The following CELF2 variants were observed in gnomAD, a reference collection of about 807,000 sequenced individuals.
The protein encoded by CELF2 is CUG triplet repeat RNA-binding protein 2.
A neutral mutation model predicts 62.6 loss-of-function variants in CELF2; 8 were observed. The observed-to-expected ratio is 0.13, with a 90% CI of 0.07 to 0.23. The LOEUF (loss-of-function observed/expected upper bound fraction) is 0.23, where lower values mean the gene tolerates loss of function less well. Among genes scored for constraint, CELF2 ranks in the 10% least tolerant of loss-of-function variants. CELF2 has a pLI of 1.00. For synonymous variants in CELF2, 258 were observed against 250.0 expected, an observed-to-expected ratio of 1.03 and a Z score of -0.30; for missense variants, 333 against 671.0, an observed-to-expected ratio of 0.50 and a Z score of 5.56.
chr10:10,728,086 C>T, the CELF2 span, among the ~76,000 whole-genome samples: 1 of 151,134 alleles, frequency 6.6e-6, no homozygotes, highest in Non-Finnish European at 1.5e-5. Context: ...TAGAGATGAC[C>T]TTTGAGCTGG....
At chr10:10,709,976 G>A in the CELF2 span, among the ~76,000 whole-genome samples, 1 of 152,220 alleles carries the variant, frequency 6.6e-6, no homozygotes, top group Admixed American at 6.5e-5. Context: ...CTTTGTGCTT[G>A]TGCGAATAAC....
chr10:11,206,157 C>G (rs957230199), intron 2 of CELF2, among the ~76,000 whole-genome samples: 4 of 152,182 alleles, frequency 2.6e-5, no homozygotes, highest in African/African-American at 9.7e-5. Flanking sequence ...GTGTTTTATT[C>G]AGGCTAACAA....
chr10:11,074,833 C>A (rs578180125), intron 1 of CELF2: 1 of 152,292 alleles, frequency 6.6e-6, no homozygotes, highest in South Asian at 2.1e-4. Flanking sequence ...GTGCGTACTC[C>A]CTGGTCTTGC....
the CELF2 span, among the ~76,000 whole-genome samples, chr10:10,658,806 T>C: frequency 6.6e-6 from 1 of 152,174 alleles, no homozygotes; most frequent in East Asian, 1.9e-4. Flanking sequence ...ATCATTACAG[T>C]CTTGGTGGTT....
chr10:11,248,274 C>T (rs984596703), intron 3 of CELF2, among the ~76,000 whole-genome samples: 3 of 152,144 alleles, frequency 2.0e-5, no homozygotes, highest in South Asian at 2.1e-4. Context: ...GCATGCTCTG[C>T]GGACCAGGCA....
chr10:10,792,062 G>GAC, the CELF2 span, among the ~76,000 whole-genome samples: 11 of 132,636 alleles, frequency 8.3e-5, no homozygotes, highest in African/African-American at 2.5e-4. Context: ...AGGAAGGAAG[G>GAC]AGGGAGGAAG....
chr10:11,146,784 A>G lies in CELF2; in HGVS notation c.75-18702A>G, dbSNP rs548907307. Among the ~76,000 whole-genome samples, 8 of 152,342 alleles carry G rather than the reference A, an allele frequency of 5.3e-5. No homozygotes were observed. The East Asian group carries it at 1.5e-3, about 29-fold the overall frequency. On this transcript the variant is annotated intron_variant, in intron 1 of 12. Transcript: ENST00000633077. ...CTGTCATCAGATAAGTTCATCTTGC[A>G]TTTGCAACTCATAGCCACATCCCCA...
intron 1 of CELF2, among the ~76,000 whole-genome samples, chr10:11,105,939 T>C (rs1361225818): frequency 6.6e-6 from 1 of 152,228 alleles, no homozygotes; most frequent in East Asian, 1.9e-4. Flanking sequence ...AGTGTCTGGT[T>C]CACTTAGAGA....
chr10:10,885,690 A>G (rs181691012), intron 1 of CELF2, among the ~76,000 whole-genome samples: 78 of 152,292 alleles, frequency 5.1e-4, no homozygotes, highest in Non-Finnish European at 1.0e-3. Context: ...CTATTATCTT[A>G]TGGTTCAGGA....
intron 1 of CELF2, chr10:11,018,649 G>A (rs957242408): frequency 3.9e-5 from 6 of 152,224 alleles, no homozygotes; most frequent in Non-Finnish European, 8.8e-5. Context: ...GGGTCTGGGG[G>A]TCCGGGTGAG....
chr10:10,514,368 A>G, the CELF2 span, among the ~76,000 whole-genome samples: 1 of 152,052 alleles, frequency 6.6e-6, no homozygotes, highest in Non-Finnish European at 1.5e-5. Flanking sequence ...TTAGTCAAAT[A>G]CTCCTTTTAA....
chr10:10,636,301 C>G, the CELF2 span, among the ~76,000 whole-genome samples: 5 of 152,216 alleles, frequency 3.3e-5, no homozygotes, highest in Non-Finnish European at 2.9e-5. Flanking sequence ...CCTCTCTGTT[C>G]TCTTCTGACT....
intron 2 of CELF2, among the ~76,000 whole-genome samples, chr10:11,175,822 G>A (rs1249317276): frequency 1.3e-5 from 2 of 152,220 alleles, no homozygotes; most frequent in African/African-American, 4.8e-5. Context: ...AGATGCTTCT[G>A]GGTGCCTACT....
intron 1 of CELF2, among the ~76,000 whole-genome samples, chr10:11,127,553 C>T (rs1428818154): frequency 4.6e-5 from 7 of 152,108 alleles, no homozygotes; most frequent in Admixed American, 3.9e-4. Flanking sequence ...TCTGCAGCAT[C>T]TGTTGTTTCC....
chr10:10,735,162 T>C, the CELF2 span, among the ~76,000 whole-genome samples: 2 of 152,234 alleles, frequency 1.3e-5, no homozygotes, highest in Non-Finnish European at 2.9e-5. Context: ...TAGGAAATGT[T>C]ATCATAGGCT....
the CELF2 span, among the ~76,000 whole-genome samples, chr10:10,662,815 C>T: frequency 6.6e-6 from 1 of 152,144 alleles, no homozygotes; most frequent in East Asian, 1.9e-4. Flanking sequence ...AATTGGAGAG[C>T]ACATTAACCA....
chr10:10,481,737 G>T, the CELF2 span, among the ~76,000 whole-genome samples: 5 of 152,188 alleles, frequency 3.3e-5, no homozygotes, highest in African/African-American at 1.2e-4. Flanking sequence ...TCGATATTTT[G>T]TGTGATGATT....
rs566767153 is a variant in CELF2, at chr10:11,166,387, G to A, written c.271+705G>A. On this transcript the variant is annotated intron_variant, in intron 2 of 12. Transcript: ENST00000633077. ...CCATTTTAAGATGACGGTGATGGGGGGCAGTGGGTGCCATTAATGAGATAG... is the reference window on the plus strand; with the variant it reads ...CCATTTTAAGATGACGGTGATGGGGAGCAGTGGGTGCCATTAATGAGATAG... Among the ~76,000 whole-genome samples the A allele has an allele frequency of 7.2e-4, 109 of 152,296 alleles. 2 individuals are homozygous for A. In the South Asian group the frequency reaches 0.022, roughly 31 times the overall value.
rs748458869 is a variant in CELF2, at chr10:11,046,046, C to T, written c.74+27883C>T. ...GGGTTTGTTTTTAAAGGCAACGACT[C>T]GCTCATGAAGAGTTTGAACATACAG... On this transcript the variant is annotated intron_variant, in intron 1 of 12. Coordinates refer to ENST00000633077, the MANE Select transcript of CELF2 (RefSeq NM_001326342.2). This position sits in a 1 kb window ranked among gnomAD's most constrained non-coding sequence, Gnocchi z 4.6. Among the ~76,000 whole-genome samples the T allele has an allele frequency of 3.3e-5, 5 of 152,334 alleles. No homozygotes were observed. Among genetic ancestry groups the T allele is most frequent in the South Asian group, 2.1e-4 (1 of 4,826 alleles).
Sources: allele counts gnomAD v4.1 joint callset (sites outside exome capture counted in the v4.1 genomes callset), GRCh38; gene constraint gnomAD v4.1.1; non-coding constraint Gnocchi (gnomAD v3.1); transcripts MANE v1.5; gene names NCBI Gene and HGNC (gene_info 2026-07-23, HGNC 2026-07-21).